Variants in MGST1 observed in about 807,000 individuals in gnomAD.
The protein encoded by MGST1 is glutathione S-transferase 12.
In MGST1, 5 loss-of-function variants were observed where a neutral mutation model predicts 8.9. That is an observed-to-expected ratio of 0.56 (90% confidence interval 0.29 to 1.19). The LOEUF is 1.19. Ranked by LOEUF, MGST1 falls within the 50% of genes most tolerant of loss-of-function variation. The pLI is 0.08. For missense variants in MGST1, 182 were observed against 187.4 expected, an observed-to-expected ratio of 0.97 and a Z score of 0.17; for synonymous variants, 54 against 67.8, an observed-to-expected ratio of 0.80 and a Z score of 1.00.
chr12:16,378,563 T>C (rs963309376), downstream of MGST1, among the ~76,000 whole-genome samples: 1 of 151,840 alleles, frequency 6.6e-6, no homozygotes, highest in African/African-American at 2.4e-5. Flanking sequence ...TGTAGTATAG[T>C]TTGAAGTCAG....
rs1943277378 is a variant in MGST1 at position 16,585,136 on chromosome 12, T to C, written n.483-4392T>C. 6.6e-6 allele frequency among the ~76,000 whole-genome samples: 1 copy of C among 152,188 alleles called. No individual in the cohort carries two copies. The highest frequency in any genetic ancestry group is 1.5e-5 in the Non-Finnish European group (1 of 68,026). The stretch of plus-strand genomic sequence containing the variant: ...GGAATTAAGTCATGGCTTCCCCCTT[T>C]GGGTGGCGCATGCAAGCCCCAGTTC... On this transcript the variant is annotated intron_variant and non_coding_transcript_variant, in intron 4 of 4. Transcript: ENST00000538857. The surrounding 1 kb of genome is among the most constrained non-coding windows in gnomAD (Gnocchi z 4.7).
At chr12:16,520,968 A>G (rs1446429247) in intron 4 of MGST1, among the ~76,000 whole-genome samples, 4 of 152,030 alleles carry the variant, frequency 2.6e-5, no homozygotes, top group African/African-American at 9.7e-5. Flanking sequence ...TTGCAATCCA[A>G]TGGGTGTTGT....
chr12:16,361,558 G>A lies in MGST1; in HGVS notation c.222-2237G>A, dbSNP rs949115694. Among the ~76,000 whole-genome samples the A allele has an allele frequency of 6.6e-6, 1 of 152,194 alleles. No homozygotes were observed. Among genetic ancestry groups the A allele is most frequent in the East Asian group, 1.9e-4 (1 of 5,196 alleles). ...GCAGCTGTCCATAAATGGCACTAAC[G>A]TGAAGGAAGCTGCCGCTCCAGGAAG... is the stretch of plus-strand genomic sequence containing the variant. On this transcript the variant is annotated intron_variant, in intron 3 of 3. Coordinates refer to ENST00000396210, the MANE Select transcript of MGST1 (RefSeq NM_020300.5). The surrounding 1 kb of genome is among the most constrained non-coding windows in gnomAD (Gnocchi z 4.2).
chr12:16,381,831 CA>C (rs1591712773), downstream of MGST1, among the ~76,000 whole-genome samples: 1 of 152,114 alleles, frequency 6.6e-6, no homozygotes, highest in Admixed American at 6.5e-5. Context: ...AGGCTTTGTT[CA>C]TTTCTTTTTA....
intron 1 of MGST1, among the ~76,000 whole-genome samples, chr12:16,432,889 A>G (rs146344942): frequency 6.8e-4 from 104 of 152,186 alleles, no homozygotes; most frequent in Middle Eastern, 3.4e-3. Flanking sequence ...TGGGAATTTC[A>G]GGACAGTCAA....
At chr12:16,572,696 ATATAT>A (rs1349406593) in intron 4 of MGST1, among the ~76,000 whole-genome samples, 2 of 147,796 alleles carry the variant, frequency 1.4e-5, no homozygotes, top group African/African-American at 2.4e-5. Flanking sequence ...TATAATTTAA[ATATAT>A]TATATATAAT....
chr12:16,369,402 G>A (rs553189239), downstream of MGST1, among the ~76,000 whole-genome samples: 5 of 152,174 alleles, frequency 3.3e-5, no homozygotes, highest in East Asian at 5.8e-4. This position sits in a 1 kb window ranked among gnomAD's most constrained non-coding sequence, Gnocchi z 4.8. Flanking sequence ...GTAGCCAGGC[G>A]GTCCTGCTGA....
intron 1 of MGST1, among the ~76,000 whole-genome samples, chr12:16,417,107 T>A (rs1415561235): frequency 6.6e-6 from 1 of 152,206 alleles, no homozygotes; most frequent in African/African-American, 2.4e-5. Context: ...ATTCTCATGC[T>A]GCTATGAAAA....
At chr12:16,442,857 G>A (rs1489093364), downstream of MGST1, among the ~76,000 whole-genome samples, 1 of 151,368 alleles carries the variant, frequency 6.6e-6, no homozygotes, top group Non-Finnish European at 1.5e-5. The surrounding 1 kb of genome is among the most constrained non-coding windows in gnomAD (Gnocchi z 4.5). Context: ...ATATTATAGT[G>A]TTTTATATAC....
At chr12:16,399,446 T>G (rs1050696529) in intron 1 of MGST1, 18 of 1,545,206 alleles carry the variant, frequency 1.2e-5, no homozygotes, top group Non-Finnish European at 1.5e-5. Context: ...TTCGGGCTTC[T>G]TCCTCCAGTT....
At chr12:16,461,180 GA>G (rs35831625) in intron 4 of MGST1, among the ~76,000 whole-genome samples, 21,858 of 145,664 alleles carry the variant, frequency 0.15, 1,973 homozygotes, top group East Asian at 0.44. Context: ...ATGCCCAAAG[GA>G]AAAAAAAAAA....
At chr12:16,551,320 C>CACA in intron 4 of MGST1, 1 of 1,586,608 alleles carries the variant, frequency 6.3e-7, no homozygotes, top group Non-Finnish European at 8.7e-7. Context: ...TTGTCTCCAA[C>CACA]ACAAAATCTG....
At chr12:16,557,909 C>T (rs1029817726) in intron 4 of MGST1, among the ~76,000 whole-genome samples, 6 of 152,008 alleles carry the variant, frequency 3.9e-5, no homozygotes, top group Admixed American at 2.0e-4. Context: ...ATTCTTTCTA[C>T]TATTCTACAG....
intron 4 of MGST1, chr12:16,573,511 C>A (rs558642274): frequency 1.3e-5 from 2 of 152,180 alleles, no homozygotes; most frequent in East Asian, 3.9e-4. Context: ...TTACTCTCAG[C>A]CTGTCAAAAA....
At chr12:16,580,265 A>T (rs1943119019) in intron 4 of MGST1, among the ~76,000 whole-genome samples, 1 of 152,166 alleles carries the variant, frequency 6.6e-6, no homozygotes, top group African/African-American at 2.4e-5. Context: ...TGCTTCTGGC[A>T]ATATCTGAAT....
chr12:16,506,966 G>T (rs1941542034), intron 4 of MGST1, among the ~76,000 whole-genome samples: 1 of 152,128 alleles, frequency 6.6e-6, no homozygotes, highest in South Asian at 2.1e-4. Flanking sequence ...TATTTTCTAG[G>T]GGCTCCAGGC....
Position 16,401,906 on chromosome 12 carries a change from G to C in MGST1, n.778+18302G>C. 6.2e-7 allele frequency: 1 copy of C among 1,604,842 alleles called. No homozygotes were observed. Among genetic ancestry groups the C allele is most frequent in the Non-Finnish European group, 8.5e-7 (1 of 1,171,570 alleles). On this transcript the variant is annotated intron_variant and non_coding_transcript_variant, in intron 1 of 1. Transcript: ENST00000359720. The surrounding 1 kb of genome is among the most constrained non-coding windows in gnomAD (Gnocchi z 4.3). ...TGAGCTCCCCATCCTCCCTTACAGC[G>C]ACTGTATATGCCACAACTGCACTGA...
chr12:16,592,404 G>C (rs1047143674), downstream of MGST1, among the ~76,000 whole-genome samples: 2 of 151,944 alleles, frequency 1.3e-5, no homozygotes, highest in South Asian at 4.1e-4. Flanking sequence ...TAATTTCTTT[G>C]TATCTCCCAA....
intron 4 of MGST1, among the ~76,000 whole-genome samples, chr12:16,509,007 C>A (rs888122826): frequency 2.6e-5 from 4 of 152,138 alleles, no homozygotes; most frequent in African/African-American, 7.2e-5. Context: ...CTTTTATCCC[C>A]TCTGAGAGCA....
Sources: allele counts gnomAD v4.1 joint callset (sites outside exome capture counted in the v4.1 genomes callset), GRCh38; gene constraint gnomAD v4.1.1; non-coding constraint Gnocchi (gnomAD v3.1); transcripts MANE v1.5; gene names NCBI Gene and HGNC (gene_info 2026-07-23, HGNC 2026-07-21).